SPTBN1: variants seen among roughly 807,000 people sequenced by gnomAD.
SPTBN1 encodes spectrin beta, non-erythrocytic 1.
In SPTBN1, 32 loss-of-function variants were observed where a neutral mutation model predicts 266.4. That is an observed-to-expected ratio of 0.12 (90% CI 0.09 to 0.16). SPTBN1 has a LOEUF of 0.16. SPTBN1 is among the 10% of genes least tolerant of loss of function. The pLI, the probability that SPTBN1 is intolerant of heterozygous loss-of-function variation, is 1.00. For synonymous variants in SPTBN1, 1,336 were observed against 1,162.2 expected, an observed-to-expected ratio of 1.15 and a Z score of -3.04; for missense variants, 2,296 against 3,067.1, an observed-to-expected ratio of 0.75 and a Z score of 5.94.
At chr2:54,602,883 A>C (rs1016690892) in intron 3 of SPTBN1, among the ~76,000 whole-genome samples, 2 of 152,224 alleles carry the variant, frequency 1.3e-5, no homozygotes, top group African/African-American at 4.8e-5. Context: ...TAAGAGAACC[A>C]TACTGGTACA....
intron 1 of SPTBN1, among the ~76,000 whole-genome samples, chr2:54,517,350 G>C (rs1317997179): frequency 2.7e-5 from 4 of 150,846 alleles, no homozygotes; most frequent in Non-Finnish European, 2.9e-5. Flanking sequence ...TGTTAATAGA[G>C]ATACAACAAT....
intron 8 of SPTBN1, among the ~76,000 whole-genome samples, chr2:54,622,031 G>T (rs1193013250): frequency 6.6e-6 from 1 of 152,156 alleles, no homozygotes; most frequent in African/African-American, 2.4e-5. Flanking sequence ...AAATCATTCA[G>T]AATCTCTTTG....
chr2:54,501,002 T>C (rs1350238192), intron 1 of SPTBN1, among the ~76,000 whole-genome samples: 1 of 152,172 alleles, frequency 6.6e-6, no homozygotes, highest in Non-Finnish European at 1.5e-5. Flanking sequence ...AGATGACTTG[T>C]CCAAAGTCCT....
At chr2:54,509,972 TTA>T (rs1238669630) in intron 1 of SPTBN1, among the ~76,000 whole-genome samples, 1 of 149,960 alleles carries the variant, frequency 6.7e-6, no homozygotes, top group African/African-American at 2.5e-5. Context: ...TTTTTTTTTT[TTA>T]ATGATAAGGG....
chr2:54,471,196 C>T lies in SPTBN1; in HGVS notation c.-48+14678C>T, dbSNP rs115174146. On this transcript the variant is annotated intron_variant, in intron 1 of 35. Coordinates refer to ENST00000356805, the MANE Select transcript of SPTBN1 (RefSeq NM_003128.3). ...CCTAGGAGTTTGAGACCAGCTTGGG[C>T]GACATGGTGAGACCTGGTCTCTACG... Among the ~76,000 whole-genome samples the T allele has an allele frequency of 2.7e-3, 413 of 152,234 alleles. 1 individual carries two copies. The highest frequency in any genetic ancestry group is 9.6e-3 in the African/African-American group (400 of 41,514).
intron 1 of SPTBN1, among the ~76,000 whole-genome samples, chr2:54,508,275 C>G (rs908481613): frequency 6.6e-6 from 1 of 152,170 alleles, no homozygotes; most frequent in African/African-American, 2.4e-5. Flanking sequence ...TGGGAAAGGC[C>G]TCTACCCATC....
chr2:54,614,420 C>T (rs1411759102), intron 4 of SPTBN1, among the ~76,000 whole-genome samples: 1 of 152,058 alleles, frequency 6.6e-6, no homozygotes, highest in African/African-American at 2.4e-5. Context: ...GCTCTCATTG[C>T]TACCAGGATA....
chr2:54,522,708 A>AG (rs1558802768), intron 1 of SPTBN1, among the ~76,000 whole-genome samples: 2 of 134,536 alleles, frequency 1.5e-5, no homozygotes, highest in Admixed American at 7.5e-5. Flanking sequence ...AGAAAGAAAG[A>AG]AAGGAAAGAA....
chr2:54,517,946 GTTT>G (rs35846594), intron 1 of SPTBN1, among the ~76,000 whole-genome samples: 2 of 145,336 alleles, frequency 1.4e-5, no homozygotes, highest in Non-Finnish European at 1.5e-5. Flanking sequence ...GCCTGGTATT[GTTT>G]TTTTTTTTTT....
chr2:54,522,165 G>T (rs1670481587), intron 1 of SPTBN1, among the ~76,000 whole-genome samples: 1 of 151,928 alleles, frequency 6.6e-6, no homozygotes, highest in Non-Finnish European at 1.5e-5. Context: ...GCCTCCCAAA[G>T]TGCTGGGATT....
chr2:54,522,677 AGG>A (rs1670533927), intron 1 of SPTBN1, among the ~76,000 whole-genome samples: 1 of 67,306 alleles, frequency 1.5e-5, no homozygotes, highest in African/African-American at 4.5e-5. Flanking sequence ...AGAGAGAGAG[AGG>A]AGAGAGAGAG....
At chr2:54,542,005 G>GA (rs1440955957) in intron 2 of SPTBN1, among the ~76,000 whole-genome samples, 1 of 152,072 alleles carries the variant, frequency 6.6e-6, no homozygotes, top group African/African-American at 2.4e-5. Context: ...AATATCCTGT[G>GA]GTAGTTAGGT....
chr2:54,487,858 C>G (rs887243508), intron 1 of SPTBN1, among the ~76,000 whole-genome samples: 14 of 1,330 alleles, frequency 0.011, 1 homozygote, highest in Admixed American at 0.076. Flanking sequence ...GAGACGGAGT[C>G]TTGCTCTGTC....
chr2:54,538,164 G>A (rs2104385508), intron 2 of SPTBN1, among the ~76,000 whole-genome samples: 1 of 152,312 alleles, frequency 6.6e-6, no homozygotes, highest in South Asian at 2.1e-4. Flanking sequence ...TTTCATTTAA[G>A]ATTTTTGAAT....
intron 3 of SPTBN1, among the ~76,000 whole-genome samples, chr2:54,605,642 G>T (rs1407551166): frequency 2.6e-5 from 4 of 152,306 alleles, no homozygotes; most frequent in African/African-American, 9.6e-5. Flanking sequence ...TTAATTTCTT[G>T]TAATTACTGC....
At chr2:54,617,512 A>T (rs2271325) in intron 5 of SPTBN1, 96 bp from the exon 6 acceptor site, 4 of 1,113,534 alleles carry the variant, frequency 3.6e-6, no homozygotes, top group Non-Finnish European at 2.6e-6. Flanking sequence ...AGGTTTTACA[A>T]TGCTTACAGA....
chr2:54,639,076 C>T (rs1203211998), intron 18 of SPTBN1, among the ~76,000 whole-genome samples: 1 of 152,184 alleles, frequency 6.6e-6, no homozygotes, highest in Non-Finnish European at 1.5e-5. Context: ...GGGGGATTTG[C>T]CCGGAGCCAG....
At chr2:54,570,720 A>T (rs1057418484) in intron 2 of SPTBN1, among the ~76,000 whole-genome samples, 9 of 152,200 alleles carry the variant, frequency 5.9e-5, no homozygotes, top group African/African-American at 1.9e-4. Flanking sequence ...TAGAAGACCA[A>T]ACATTCTGTT....
At chr2:54,493,961 C>G (rs554118171) in intron 1 of SPTBN1, among the ~76,000 whole-genome samples, 86 of 152,244 alleles carry the variant, frequency 5.6e-4, no homozygotes, top group African/African-American at 1.8e-3. Flanking sequence ...GGAACACATG[C>G]AAAGAAAGGG....
Sources: allele counts gnomAD v4.1 joint callset (sites outside exome capture counted in the v4.1 genomes callset), GRCh38; gene constraint gnomAD v4.1.1; transcripts MANE v1.5; gene names NCBI Gene and HGNC (gene_info 2026-07-23, HGNC 2026-07-21).